CCDC171: variants seen among roughly 807,000 people sequenced by gnomAD.
CCDC171 encodes the protein coiled-coil domain containing 171.
CCDC171 carries 177 observed loss-of-function variants against 168.2 expected under a neutral mutation model. That is an observed-to-expected ratio of 1.05 (90% CI 0.93 to 1.19). The LOEUF (loss-of-function observed/expected upper bound fraction) is 1.19. CCDC171 is among the 50% of genes most tolerant of loss of function. CCDC171 has a pLI of 0.00. For synonymous variants in CCDC171, 687 were observed against 540.8 expected (o/e 1.27, Z -3.75); for missense variants, 1,991 against 1,539.0 (o/e 1.29, Z -4.91).
intron 25 of CCDC171, among the ~76,000 whole-genome samples, chr9:15,935,193 CT>C (rs1253387270): frequency 6.6e-6 from 1 of 151,922 alleles, no homozygotes; most frequent in East Asian, 1.9e-4. Context: ...AAAAATATTT[CT>C]TTGAGTTCTT....
intron 1 of CCDC171, among the ~76,000 whole-genome samples, chr9:15,559,176 G>A (rs1308785883): frequency 6.6e-6 from 1 of 152,178 alleles, no homozygotes; most frequent in East Asian, 1.9e-4. Flanking sequence ...TTTGGAATAA[G>A]TGTGATGTGG....
intron 6 of CCDC171, among the ~76,000 whole-genome samples, chr9:15,618,972 G>A (rs1173712359): frequency 2.0e-5 from 3 of 151,950 alleles, no homozygotes; most frequent in East Asian, 1.9e-4. Flanking sequence ...GCCCCTCCCC[G>A]CCCTGTCCAG....
At chr9:15,598,243 G>T (rs1157344019) in intron 6 of CCDC171, among the ~76,000 whole-genome samples, 2 of 151,622 alleles carry the variant, frequency 1.3e-5, no homozygotes, top group Non-Finnish European at 2.9e-5. Flanking sequence ...GTGATGTTAG[G>T]GTGTCAATTT....
At chr9:15,728,213 T>G (rs1409911271) in intron 15 of CCDC171, among the ~76,000 whole-genome samples, 177 bp downstream of exon 15, 5 of 152,168 alleles carry the variant, frequency 3.3e-5, no homozygotes, top group Admixed American at 2.6e-4. Flanking sequence ...GCTGTGGGCA[T>G]GTAAATGTGA....
chr9:16,070,131 G>T, the CCDC171 span, among the ~76,000 whole-genome samples: 1 of 152,046 alleles, frequency 6.6e-6, no homozygotes, highest in Non-Finnish European at 1.5e-5. Context: ...GAGCTGAAGC[G>T]GCCTGGAAAG....
At chr9:15,925,936 A>G (rs1367364188) in intron 25 of CCDC171, among the ~76,000 whole-genome samples, 2 of 151,502 alleles carry the variant, frequency 1.3e-5, no homozygotes, top group Admixed American at 6.6e-5. Flanking sequence ...ATTTAACAAT[A>G]TAGAAATAAT....
At chr9:15,645,287 A>C (rs147784659) in intron 7 of CCDC171, among the ~76,000 whole-genome samples, 87 of 152,280 alleles carry the variant, frequency 5.7e-4, no homozygotes, top group African/African-American at 2.0e-3. Flanking sequence ...AAAGATGGGG[A>C]AAAAACAGAG....
At chr9:15,897,391 T>G (rs1490304202) in intron 24 of CCDC171, among the ~76,000 whole-genome samples, 1 of 152,090 alleles carries the variant, frequency 6.6e-6, no homozygotes, top group East Asian at 1.9e-4. Flanking sequence ...ATTATGTATG[T>G]TTTTAGCATC....
intron 9 of CCDC171, among the ~76,000 whole-genome samples, chr9:15,669,951 T>C (rs1482372574): frequency 3.7e-5 from 2 of 53,430 alleles, no homozygotes; most frequent in Non-Finnish European, 7.3e-5. Context: ...AGCTGAAGTC[T>C]TAAAAAAAAA....
chr9:15,694,729 C>G (rs2051080428), intron 10 of CCDC171, among the ~76,000 whole-genome samples: 1 of 152,218 alleles, frequency 6.6e-6, no homozygotes, highest in Non-Finnish European at 1.5e-5. Flanking sequence ...ATCTTAGTCT[C>G]TGTCCAGTGC....
chr9:15,553,067 G>A lies in CCDC171; in HGVS notation c.-347G>A, dbSNP rs932672461. On this transcript the variant is annotated 5_prime_UTR_variant, in exon 1 of 26. Transcript: ENST00000380701. ...TGAAAGTCTGGGAAGGTCTGCGAGAGAAGCGGAGTGTTTTCAGCTCCGGAA... is the reference window on the plus strand; with the variant it reads ...TGAAAGTCTGGGAAGGTCTGCGAGAAAAGCGGAGTGTTTTCAGCTCCGGAA... 2 of 152,514 alleles carry A rather than the reference G, an allele frequency of 1.3e-5. No homozygotes were observed. Among genetic ancestry groups the A allele is most frequent in the East Asian group, 1.9e-4 (1 of 5,196 alleles). The allele number at this position is 152,514 out of a possible 1,614,324, so 9.4% of individuals were successfully genotyped here.
In CCDC171 at chr9:15,817,909, C is replaced by T. The variant is rs2059619909; in HGVS notation, c.3268-28793C>T. 1.7e-5 allele frequency among the ~76,000 whole-genome samples: 2 copies of T among 118,574 alleles called. 1 individual carries two copies. Among genetic ancestry groups the T allele is most frequent in the Admixed American group, 1.6e-4 (2 of 12,616 alleles). The allele number at this position is 118,574 out of a possible 152,430, so 77.8% of individuals were successfully genotyped here. ...GCAGACTGCCTCCTCAAGTGGGTCCCTGACCCCTGAGTAACCTAGCTGGGA... is the reference window on the plus strand; with the variant it reads ...GCAGACTGCCTCCTCAAGTGGGTCCTTGACCCCTGAGTAACCTAGCTGGGA... On this transcript the variant is annotated intron_variant, in intron 21 of 25. Transcript: ENST00000380701.
At chr9:16,016,894 T>C (rs1380521943) in intron 3 of CCDC171, among the ~76,000 whole-genome samples, 1 of 152,230 alleles carries the variant, frequency 6.6e-6, no homozygotes, top group Non-Finnish European at 1.5e-5. Context: ...CCTAGCAATC[T>C]AAAATGATAT....
intron 4 of CCDC171, 46 bp from the exon 5 acceptor site, chr9:15,591,320 A>T: frequency 8.0e-7 from 1 of 1,246,496 alleles, no homozygotes; most frequent in Non-Finnish European, 1.1e-6. Context: ...GCTCCTTGTT[A>T]TTTAATTCAT....
chr9:15,894,603 A>G (rs762260892), intron 24 of CCDC171, among the ~76,000 whole-genome samples: 1 of 151,882 alleles, frequency 6.6e-6, no homozygotes, highest in Admixed American at 6.6e-5. Context: ...TCTCCATCTC[A>G]TTCACTGAAC....
rs1588252197 is a variant in CCDC171, at chr9:15,744,454, G to A, written c.2231G>A (p.Arg744Gln). ...MAGALYPLYS[R>Q]SCALSTQRDF... ...GGTGCCTTATATCCCCTCTATAGCC[G>A]ATCATGCGCCTTGTCTACACAGAGA... The change falls in exon 17 of 26, where the codon CGA becomes CAA. Residue 744 changes from arginine (R) to glutamine (Q), a missense_variant. Coordinates refer to ENST00000380701, the MANE Select transcript of CCDC171 (RefSeq NM_173550.4). The A allele has an allele frequency of 3.1e-6, 5 of 1,614,086 alleles. No individual in the cohort carries two copies. Among genetic ancestry groups the A allele is most frequent in the Non-Finnish European group, 2.5e-6 (3 of 1,180,012 alleles).
At chr9:15,773,101 A>G (rs991123830) in intron 18 of CCDC171, among the ~76,000 whole-genome samples, 4 of 152,144 alleles carry the variant, frequency 2.6e-5, no homozygotes, top group Non-Finnish European at 5.9e-5. Flanking sequence ...GGTTAAAGGA[A>G]TATTTCTCAA....
chr9:15,602,656 T>C (rs1181956362), intron 6 of CCDC171, among the ~76,000 whole-genome samples: 6 of 32,718 alleles, frequency 1.8e-4, no homozygotes, highest in African/African-American at 4.4e-4. Context: ...TCTTTTTTTT[T>C]TTTTTTTTTT....
chr9:15,599,535 C>A (rs1449164078), intron 6 of CCDC171, among the ~76,000 whole-genome samples: 2 of 152,170 alleles, frequency 1.3e-5, no homozygotes, highest in African/African-American at 4.8e-5. Flanking sequence ...GTCTGATGGG[C>A]TTCCATTTGT....
Sources: gnomAD v4.1 joint callset for allele counts (sites outside exome capture counted in the v4.1 genomes callset) on GRCh38, gnomAD v4.1.1 for gene constraint, MANE v1.5 for transcripts, NCBI Gene and HGNC (gene_info 2026-07-23, HGNC 2026-07-21) for gene names.